TBC1D5: variants seen among roughly 807,000 people sequenced by gnomAD.
TBC1D5 encodes the protein TBC1 domain family member 5, also known as TBC1 domain family, member 5.
Under a neutral mutation model 100.3 loss-of-function variants are expected in TBC1D5, and 75 were observed. The observed-to-expected ratio is 0.75, with a 90% CI of 0.62 to 0.91. The LOEUF is 0.91. TBC1D5 is among the 40% of genes least tolerant of loss of function. The pLI, the probability that TBC1D5 is intolerant of heterozygous loss-of-function variation, is 0.00. For missense variants in TBC1D5, 910 were observed against 942.4 expected (o/e 0.97, Z 0.45); for synonymous variants, 323 against 325.6 (o/e 0.99, Z 0.09).
At chr3:17,614,522 T>C (rs2061961838) in intron 2 of TBC1D5, among the ~76,000 whole-genome samples, 1 of 152,242 alleles carries the variant, frequency 6.6e-6, no homozygotes. Flanking sequence ...TCCATGAGCA[T>C]AGAATGTTCC....
At chr3:17,286,921 T>C (rs1403557325) in intron 15 of TBC1D5, among the ~76,000 whole-genome samples, 4 of 152,192 alleles carry the variant, frequency 2.6e-5, no homozygotes, top group Non-Finnish European at 5.9e-5. Context: ...TGGATAAGAC[T>C]GTCTAGGTTC....
At chr3:17,329,715 C>T (rs562693947) in intron 13 of TBC1D5, among the ~76,000 whole-genome samples, 4 of 152,210 alleles carry the variant, frequency 2.6e-5, no homozygotes, top group African/African-American at 9.6e-5. Context: ...CACATTAACT[C>T]CCTCCTGAAC....
chr3:17,285,690 C>T (rs1311772346), intron 15 of TBC1D5, among the ~76,000 whole-genome samples: 1 of 152,156 alleles, frequency 6.6e-6, no homozygotes, highest in Admixed American at 6.5e-5. Context: ...TTTGATGTGA[C>T]ATTTTACCAA....
intron 18 of TBC1D5, among the ~76,000 whole-genome samples, chr3:17,211,441 A>T (rs1031676861): frequency 6.6e-6 from 1 of 152,202 alleles, no homozygotes; most frequent in African/African-American, 2.4e-5. Context: ...AATGTGCCTG[A>T]TCTCTCAGAC....
chr3:17,531,333 A>G (rs2096221540), intron 2 of TBC1D5, among the ~76,000 whole-genome samples: 2 of 152,068 alleles, frequency 1.3e-5, no homozygotes, highest in African/African-American at 2.4e-5. Context: ...GGAAATAAAA[A>G]AGGATACAAA....
intron 2 of TBC1D5, among the ~76,000 whole-genome samples, chr3:17,615,012 C>T (rs2062024535): frequency 6.6e-6 from 1 of 152,130 alleles, no homozygotes; most frequent in Non-Finnish European, 1.5e-5. Context: ...ATGATATTGG[C>T]TGTGGGTCTG....
At chr3:17,545,872 C>G (rs963466741) in intron 2 of TBC1D5, among the ~76,000 whole-genome samples, 1 of 152,094 alleles carries the variant, frequency 6.6e-6, no homozygotes, top group African/African-American at 2.4e-5. Flanking sequence ...TTCTTGTCAC[C>G]CTTCCTTTTA....
intron 1 of TBC1D5, among the ~76,000 whole-genome samples, chr3:17,628,643 T>A (rs746695017): frequency 3.3e-5 from 5 of 152,196 alleles, no homozygotes; most frequent in African/African-American, 9.7e-5. Context: ...AGAATTCCAA[T>A]GGAAAGGTTA....
intron 8 of TBC1D5, 143 bp from the exon 9 acceptor site, chr3:17,384,158 G>A: frequency 1.7e-6 from 1 of 595,128 alleles, no homozygotes; most frequent in Admixed American, 3.1e-5. Flanking sequence ...CCTTTAGTGG[G>A]GACTGAAAAA....
At chr3:17,449,726 C>A (rs1160235028) in intron 3 of TBC1D5, among the ~76,000 whole-genome samples, 1 of 152,154 alleles carries the variant, frequency 6.6e-6, no homozygotes, top group African/African-American at 2.4e-5. Flanking sequence ...AAGGCAGGAG[C>A]CCCAGTTAGG....
intron 2 of TBC1D5, among the ~76,000 whole-genome samples, chr3:17,537,431 CATG>C (rs1259837672): frequency 6.6e-6 from 1 of 152,204 alleles, no homozygotes; most frequent in Non-Finnish European, 1.5e-5. Context: ...CCCTTCCAAT[CATG>C]ATGGAGAATT....
At chr3:17,494,377 A>G (rs1299918979) in intron 3 of TBC1D5, among the ~76,000 whole-genome samples, 1 of 152,182 alleles carries the variant, frequency 6.6e-6, no homozygotes, top group Non-Finnish European at 1.5e-5. Context: ...GGAAGGTGTC[A>G]CCCAGTCAGG....
chr3:17,273,216 G>A (rs2079609140), intron 15 of TBC1D5, among the ~76,000 whole-genome samples: 2 of 151,928 alleles, frequency 1.3e-5, no homozygotes, highest in Admixed American at 1.3e-4. Flanking sequence ...TTATAATTCT[G>A]TCTTCTTACA....
chr3:17,661,811 A>G (rs530895337), intron 1 of TBC1D5, among the ~76,000 whole-genome samples: 74 of 152,154 alleles, frequency 4.9e-4, no homozygotes, highest in Non-Finnish European at 7.4e-4. Context: ...ATCTTCTTAA[A>G]AGTGTTTTTG....
intron 3 of TBC1D5, among the ~76,000 whole-genome samples, chr3:17,462,927 A>G (rs2095241593): frequency 6.6e-6 from 1 of 152,128 alleles, no homozygotes; most frequent in Non-Finnish European, 1.5e-5. Flanking sequence ...CAAAGCACTA[A>G]TGGGTGAATA....
chr3:17,245,190 C>T (rs1218298298), intron 16 of TBC1D5, among the ~76,000 whole-genome samples: 2 of 152,084 alleles, frequency 1.3e-5, no homozygotes, highest in Non-Finnish European at 2.9e-5. Flanking sequence ...AAGACCTGAT[C>T]TCAAAAAATC....
At chr3:17,247,988 A>ATTTTTTTTTTTT (rs201892029) in intron 16 of TBC1D5, among the ~76,000 whole-genome samples, 1 of 141,176 alleles carries the variant, frequency 7.1e-6, no homozygotes, top group African/African-American at 2.6e-5. Context: ...TCCTCCACTA[A>ATTTTTTTTTTTT]TTTTTTTTTT....
At chr3:17,329,691 T>C (rs545986861) in intron 13 of TBC1D5, among the ~76,000 whole-genome samples, 1 of 152,256 alleles carries the variant, frequency 6.6e-6, no homozygotes, top group East Asian at 1.9e-4. Context: ...TTGACCCTAG[T>C]CCAATGCTTT....
At chr3:17,623,518 G>C (rs188607724) in intron 2 of TBC1D5, among the ~76,000 whole-genome samples, 1 of 152,196 alleles carries the variant, frequency 6.6e-6, no homozygotes, top group African/African-American at 2.4e-5. Context: ...GTTTCCTGCA[G>C]AGTGCCATAA....
Sources: gnomAD v4.1 joint callset for allele counts (sites outside exome capture counted in the v4.1 genomes callset) on GRCh38, gnomAD v4.1.1 for gene constraint, MANE v1.5 for transcripts, NCBI Gene and HGNC (gene_info 2026-07-23, HGNC 2026-07-21) for gene names.